The following BCL9 variants were observed in gnomAD, a reference collection of about 807,000 sequenced individuals.
BCL9 encodes the protein B-cell CLL/lymphoma 9 protein.
Under a neutral mutation model 88.5 loss-of-function variants are expected in BCL9, and 25 were observed. That is an observed-to-expected ratio of 0.28 (90% CI 0.21 to 0.39). The LOEUF is 0.39. Ranked by LOEUF, BCL9 falls within the 10% of genes least tolerant of loss-of-function variation. The probability of loss-of-function intolerance (pLI) is 1.00; values close to 1 mark genes in which losing one functional copy is unlikely to be tolerated. For missense variants in BCL9, 1,817 were observed against 1,877.8 expected (o/e 0.97, Z 0.60); for synonymous variants, 711 against 673.3 (o/e 1.06, Z -0.87).
At chr1:147,569,282 G>C (rs1655756696) in intron 1 of BCL9, among the ~76,000 whole-genome samples, 1 of 151,810 alleles carries the variant, frequency 6.6e-6, no homozygotes, top group Admixed American at 6.6e-5. Context: ...TTTGGAGAGA[G>C]TAAAAGGAAA....
At chr1:147,574,151 C>T (rs1436912873) in intron 1 of BCL9, among the ~76,000 whole-genome samples, 9 of 152,112 alleles carry the variant, frequency 5.9e-5, no homozygotes, top group African/African-American at 2.2e-4. Context: ...TTGTCTGACC[C>T]TCAAACCCAT....
chr1:147,579,782 C>T (rs1330189741), intron 1 of BCL9, among the ~76,000 whole-genome samples: 1 of 152,166 alleles, frequency 6.6e-6, no homozygotes, highest in Non-Finnish European at 1.5e-5. Context: ...CCCATTATCC[C>T]AACGGCACTC....
In BCL9 at chr1:147,611,734, C is replaced by T; in HGVS notation, c.-103C>T. The T allele has an allele frequency of 9.1e-7, 1 of 1,101,016 alleles. No individual in the cohort carries two copies. Among genetic ancestry groups the T allele is most frequent in the South Asian group, 1.3e-5 (1 of 78,436 alleles). The allele number at this position is 1,101,016 out of a possible 1,614,324, so 68.2% of individuals were successfully genotyped here. A position where few individuals can be genotyped will look rare whatever the true frequency, so the allele number is the denominator to read the frequency against. The stretch of plus-strand genomic sequence containing the variant: ...AGCGCTAAGGGACGCACCCAGCAAG[C>T]AGTGGGCCAGTGCCACTGCCCCCAG... On this transcript the variant is annotated 5_prime_UTR_variant, in exon 4 of 10. It introduces an in-frame stop codon into an upstream open reading frame of the 5' UTR. Coordinates refer to ENST00000234739, the MANE Select transcript of BCL9 (RefSeq NM_004326.4).
chr1:147,558,096 A>G (rs1349161924), intron 1 of BCL9, among the ~76,000 whole-genome samples: 1 of 152,226 alleles, frequency 6.6e-6, no homozygotes, highest in Non-Finnish European at 1.5e-5. Context: ...TCTTAGAATC[A>G]GTGAGATGTG....
chr1:147,626,103 T>G lies in BCL9; in HGVS notation c.*1144T>G, dbSNP rs1658938144. 1 of 217,078 alleles carries G rather than the reference T, an allele frequency of 4.6e-6. No homozygotes were observed. 13.4% of individuals were successfully genotyped at this position (217,078 alleles called of 1,614,324 possible). A position where few individuals can be genotyped will look rare whatever the true frequency, so the allele number is the denominator to read the frequency against. ...GTTTTAAATTTTGTGGTTCCTTCCC[T>G]TTCCTCCCCCTCCCATGCGTAAGAC... On this transcript the variant is annotated 3_prime_UTR_variant, in exon 10 of 10. Coordinates refer to ENST00000234739, the MANE Select transcript of BCL9 (RefSeq NM_004326.4).
rs587678866 is a variant in BCL9, at chr1:147,564,988, T to TTTCGAGTACAATAGCTACAATATG, written c.-478+23314_-478+23315insTTCGAGTACAATAGCTACAATATG. Among the ~76,000 whole-genome samples, 81 of 152,328 alleles carry TTTCGAGTACAATAGCTACAATATG rather than the reference T, an allele frequency of 5.3e-4. 2 individuals carry two copies. In the East Asian group the frequency reaches 0.012, roughly 23 times the overall value. ...TAATTTCGAGTACTCAATAGCTACA[T>TTTCGAGTACAATAGCTACAATATG]GTAACTAGTGGCTACCATATTGGGC... On this transcript the variant is annotated intron_variant, in intron 1 of 9. Transcript: ENST00000234739.
At chr1:147,562,875 C>T (rs1388761443) in intron 1 of BCL9, among the ~76,000 whole-genome samples, 8 of 152,196 alleles carry the variant, frequency 5.3e-5, no homozygotes, top group Non-Finnish European at 1.2e-4. Flanking sequence ...AGAATAAAAT[C>T]CAAACCCCTT....
Position 147,601,116 on chromosome 1 carries a change from A to T in BCL9, c.-477-3661A>T, listed in dbSNP as rs587763958. On this transcript the variant is annotated intron_variant, in intron 1 of 9. Transcript: ENST00000234739. Reference sequence around the variant, plus strand: ...ATGGGAAGGCTACCAAGCATGAAGGAGGAGGCCAGAAATCTGTCCTCCAAG... The same window carrying T: ...ATGGGAAGGCTACCAAGCATGAAGGTGGAGGCCAGAAATCTGTCCTCCAAG... Among the ~76,000 whole-genome samples, 3 of 152,264 alleles carry T rather than the reference A, an allele frequency of 2.0e-5. No individual in the cohort carries two copies. The South Asian group carries it at 6.2e-4, about 32-fold the overall frequency.
intron 4 of BCL9, 72 bp from the exon 5 acceptor site, chr1:147,612,811 C>T (rs1658078498): frequency 1.4e-6 from 2 of 1,473,310 alleles, no homozygotes; most frequent in African/African-American, 1.4e-5. Context: ...CCAATAGAAA[C>T]TGCCTCTCTC....
chr1:147,624,092 C>G lies in BCL9; in HGVS notation c.3414C>G (p.Pro1138=). 6.2e-7 allele frequency: 1 copy of G among 1,608,730 alleles called. No homozygotes were observed. The highest frequency in any genetic ancestry group is 8.5e-7 in the Non-Finnish European group (1 of 1,176,502). ...TACCTCAAGGACGGATGGGCTTCCC[C>G]CAGGGCTTCCCTCCAGTACAGTCTC... ...PMVPQGRMGF[P]QGFPPVQSPP... The change falls in exon 10 of 10, where the codon CCC becomes CCG. Residue 1138 remains proline, a synonymous_variant. Transcript: ENST00000234739. This position sits in a 1 kb window ranked among gnomAD's most constrained non-coding sequence, Gnocchi z 4.4.
chr1:147,603,201 G>A (rs759649034), intron 1 of BCL9, among the ~76,000 whole-genome samples: 13 of 152,158 alleles, frequency 8.5e-5, no homozygotes, highest in Non-Finnish European at 1.6e-4. Flanking sequence ...CATCTGTCTT[G>A]TTCTGTTGTT....
chr1:147,556,284 A>ATT (rs113247802), intron 1 of BCL9, among the ~76,000 whole-genome samples: 2,850 of 143,142 alleles, frequency 0.02, 38 homozygotes, highest in East Asian at 0.055. Flanking sequence ...ACTCCTGACT[A>ATT]TTTTTTTTTT....
intron 1 of BCL9, among the ~76,000 whole-genome samples, chr1:147,596,801 T>C (rs1450970145): frequency 6.6e-6 from 1 of 152,116 alleles, no homozygotes; most frequent in Admixed American, 6.5e-5. Flanking sequence ...TAGTATTCTT[T>C]TGGAGCTGAA....
At chr1:147,553,084 A>G (rs1348328115) in intron 1 of BCL9, among the ~76,000 whole-genome samples, 1 of 151,930 alleles carries the variant, frequency 6.6e-6, no homozygotes, top group Non-Finnish European at 1.5e-5. Context: ...ATTCATGATT[A>G]GTAGTCAGTA....
chr1:147,618,017 A>G (rs1198177951), intron 7 of BCL9, among the ~76,000 whole-genome samples: 1 of 152,186 alleles, frequency 6.6e-6, no homozygotes, highest in Non-Finnish European at 1.5e-5. Flanking sequence ...CTTAATAAAC[A>G]ATAATAAGGC....
chr1:147,593,136 G>A (rs782241763), intron 1 of BCL9, among the ~76,000 whole-genome samples: 34 of 152,172 alleles, frequency 2.2e-4, no homozygotes, highest in Non-Finnish European at 4.3e-4. Flanking sequence ...GGCACTGCAC[G>A]AGGTGCTGAG....
chr1:147,625,895 G>A lies in BCL9; in HGVS notation c.*936G>A, dbSNP rs917395876. Reference sequence around the variant, plus strand: ...GCCGAGCGTCCTCTTGGCTCTGAGAGGGAAAGGTCTGTCCTTGGGATGCTC... The same window carrying A: ...GCCGAGCGTCCTCTTGGCTCTGAGAAGGAAAGGTCTGTCCTTGGGATGCTC... On this transcript the variant is annotated 3_prime_UTR_variant, in exon 10 of 10. Coordinates refer to ENST00000234739, the MANE Select transcript of BCL9 (RefSeq NM_004326.4). 2 of 233,004 alleles carry A rather than the reference G, an allele frequency of 8.6e-6. No homozygotes were observed. Among genetic ancestry groups the A allele is most frequent in the Admixed American group, 5.6e-5 (1 of 17,736 alleles). The allele number at this position is 233,004 out of a possible 1,614,324, so 14.4% of individuals were successfully genotyped here. A position where few individuals can be genotyped will look rare whatever the true frequency, so the allele number is the denominator to read the frequency against.
rs370422921 is a variant in BCL9, at chr1:147,615,784, G to C, written c.561-19G>C. The stretch of plus-strand genomic sequence containing the variant: ...ATAGAAACAAGTTCTAGTGTGTGCT[G>C]TCTCTTCCATCTTTGCAGAGCTGCA... On this transcript the variant is annotated intron_variant, in intron 6 of 9. Coordinates refer to ENST00000234739, the MANE Select transcript of BCL9 (RefSeq NM_004326.4). 1.1e-4 allele frequency: 182 copies of C among 1,602,072 alleles called. No individual in the cohort carries two copies. In the African/African-American group the frequency reaches 2.0e-3, roughly 17 times the overall value.
At chr1:147,558,737 A>G (rs1007943460) in intron 1 of BCL9, among the ~76,000 whole-genome samples, 2 of 152,120 alleles carry the variant, frequency 1.3e-5, no homozygotes, top group Admixed American at 1.3e-4. Flanking sequence ...CATGATATAG[A>G]AATCTCTCTT....
Sources: allele counts gnomAD v4.1 joint callset (sites outside exome capture counted in the v4.1 genomes callset), GRCh38; gene constraint gnomAD v4.1.1; non-coding constraint Gnocchi (gnomAD v3.1); transcripts MANE v1.5; gene names NCBI Gene and HGNC (gene_info 2026-07-23, HGNC 2026-07-21).